BNC2: variants seen among roughly 807,000 people sequenced by gnomAD.
BNC2 encodes zinc finger protein basonuclin-2.
In BNC2, 20 loss-of-function variants were observed where a neutral mutation model predicts 76.3. The ratio of observed to expected loss-of-function variants is 0.26; its 90% CI spans 0.18 to 0.38. BNC2 has a LOEUF of 0.38. BNC2 is among the 10% of genes least tolerant of loss of function. The pLI is 1.00. For synonymous variants in BNC2, 582 were observed against 514.8 expected, an observed-to-expected ratio of 1.13 and a Z score of -1.77; for missense variants, 1,382 against 1,399.8, an observed-to-expected ratio of 0.99 and a Z score of 0.20.
At chr9:16,663,528 G>A (rs1030146604) in intron 3 of BNC2, among the ~76,000 whole-genome samples, 1 of 151,986 alleles carries the variant, frequency 6.6e-6, no homozygotes, top group Non-Finnish European at 1.5e-5. Context: ...TAAAAAGAAG[G>A]GACTGAACTT....
At chr9:16,672,835 G>A (rs150676167) in intron 3 of BNC2, among the ~76,000 whole-genome samples, 16 of 152,302 alleles carry the variant, frequency 1.1e-4, no homozygotes, top group East Asian at 1.9e-4. Context: ...CAATCTAAGA[G>A]CAAGGTAAAT....
At chr9:16,827,177 C>A (rs1818470415) in intron 1 of BNC2, among the ~76,000 whole-genome samples, 1 of 152,208 alleles carries the variant, frequency 6.6e-6, no homozygotes, top group African/African-American at 2.4e-5. Context: ...TCTCAGCATT[C>A]TAACTTGTGC....
At chr9:16,832,342 C>T in intron 1 of BNC2, 1 of 1,258,552 alleles carries the variant, frequency 7.9e-7, no homozygotes, top group Non-Finnish European at 1.0e-6. Context: ...CCAGAGAAAA[C>T]CAGGCAATCT....
rs557616610 is a variant in BNC2, at chr9:16,790,261, T to G, written c.4-51776A>C. On this transcript the variant is annotated intron_variant, in intron 1 of 6. Coordinates refer to ENST00000380672, the MANE Select transcript of BNC2 (RefSeq NM_017637.6). ...ATCCGCCCGCCTCGGCCTCCCAAAG[T>G]GCTGGGATTATAGGCGTGAGCCACA... Among the ~76,000 whole-genome samples the G allele has an allele frequency of 1.5e-3, 234 of 152,336 alleles. 2 individuals carry two copies. The highest frequency in any genetic ancestry group is 5.0e-3 in the African/African-American group (210 of 41,588).
At chr9:16,748,379 G>C (rs1273451739) in intron 1 of BNC2, among the ~76,000 whole-genome samples, 2 of 152,050 alleles carry the variant, frequency 1.3e-5, no homozygotes, top group Non-Finnish European at 2.9e-5. Context: ...TGGGCATGGT[G>C]GTACGTGCCA....
At chr9:16,799,610 G>A (rs1016128503) in intron 1 of BNC2, among the ~76,000 whole-genome samples, 1 of 151,984 alleles carries the variant, frequency 6.6e-6, no homozygotes, top group Non-Finnish European at 1.5e-5. Flanking sequence ...AACAAGAAGG[G>A]CAAAATAGCC....
chr9:16,739,327 A>G (rs1352754645), intron 1 of BNC2, among the ~76,000 whole-genome samples: 1 of 152,234 alleles, frequency 6.6e-6, no homozygotes, highest in East Asian at 1.9e-4. Flanking sequence ...CAACAGTATG[A>G]CAGATGGACT....
intron 5 of BNC2, among the ~76,000 whole-genome samples, chr9:16,528,967 G>C (rs1447296875): frequency 6.6e-6 from 1 of 152,128 alleles, no homozygotes; most frequent in African/African-American, 2.4e-5. Flanking sequence ...GTGTGAGTAG[G>C]GCTGTGTTCC....
At chr9:16,767,011 G>C (rs1485647964) in intron 1 of BNC2, among the ~76,000 whole-genome samples, 3 of 152,220 alleles carry the variant, frequency 2.0e-5, no homozygotes, top group Non-Finnish European at 2.9e-5. Flanking sequence ...ACTGGACAAA[G>C]GGTTTTGACA....
At chr9:16,846,990 A>G (rs568183438) in intron 1 of BNC2, among the ~76,000 whole-genome samples, 1 of 152,332 alleles carries the variant, frequency 6.6e-6, no homozygotes, top group African/African-American at 2.4e-5. Flanking sequence ...CTGAAAGTAC[A>G]CTATTTCTGC....
intron 3 of BNC2, among the ~76,000 whole-genome samples, chr9:16,653,168 G>C (rs1173044382): frequency 6.6e-6 from 1 of 152,158 alleles, no homozygotes; most frequent in Non-Finnish European, 1.5e-5. Flanking sequence ...GAGACCTGCA[G>C]ATTCATATGG....
chr9:16,587,186 A>G (rs1587203742), intron 3 of BNC2, among the ~76,000 whole-genome samples: 1 of 146,854 alleles, frequency 6.8e-6, no homozygotes, highest in Non-Finnish European at 1.5e-5. Flanking sequence ...TCTCCATTCC[A>G]CTGACTAGGA....
At chr9:16,519,240 G>A (rs993013610) in intron 5 of BNC2, among the ~76,000 whole-genome samples, 6 of 152,224 alleles carry the variant, frequency 3.9e-5, no homozygotes, top group African/African-American at 1.4e-4. Context: ...ATAGAGGGGA[G>A]GGATAGGTAT....
intron 3 of BNC2, among the ~76,000 whole-genome samples, chr9:16,686,741 A>C (rs1822989510): frequency 6.6e-6 from 1 of 152,220 alleles, no homozygotes; most frequent in South Asian, 2.1e-4. Flanking sequence ...ACAATCGTCC[A>C]AACTTAAACA....
intron 3 of BNC2, among the ~76,000 whole-genome samples, chr9:16,608,321 G>C (rs1820440018): frequency 6.6e-6 from 1 of 152,090 alleles, no homozygotes; most frequent in South Asian, 2.1e-4. Flanking sequence ...GATAGACACA[G>C]AGTAAATGGT....
intron 4 of BNC2, among the ~76,000 whole-genome samples, chr9:16,581,105 C>T (rs1819619149): frequency 6.6e-6 from 1 of 152,110 alleles, no homozygotes; most frequent in Non-Finnish European, 1.5e-5. Context: ...CTTGTGTTCT[C>T]CCAAAATTAC....
At chr9:16,730,686 G>C (rs750123016) in intron 2 of BNC2, among the ~76,000 whole-genome samples, 3 of 152,110 alleles carry the variant, frequency 2.0e-5, no homozygotes, top group Non-Finnish European at 2.9e-5. Context: ...AGATATCATG[G>C]ACTGAGGTGG....
At chr9:16,811,485 G>C (rs1818051651) in intron 1 of BNC2, among the ~76,000 whole-genome samples, 2 of 148,470 alleles carry the variant, frequency 1.3e-5, no homozygotes, top group African/African-American at 5.0e-5. Context: ...CAGGGAGACG[G>C]AGGTTGCGGT....
chr9:16,678,482 G>A (rs1168485168), intron 3 of BNC2, among the ~76,000 whole-genome samples: 3 of 151,302 alleles, frequency 2.0e-5, no homozygotes, highest in Admixed American at 2.0e-4. Context: ...TGTTGCCCAG[G>A]CTGCTCTTGA....
Sources: allele counts gnomAD v4.1 joint callset (sites outside exome capture counted in the v4.1 genomes callset), GRCh38; gene constraint gnomAD v4.1.1; transcripts MANE v1.5; gene names NCBI Gene and HGNC (gene_info 2026-07-23, HGNC 2026-07-21).